The following CPNE4 variants were observed in gnomAD, a reference collection of about 807,000 sequenced individuals.
The protein encoded by CPNE4 is copine-4.
A neutral mutation model predicts 67.9 loss-of-function variants in CPNE4; 25 were observed. That is an observed-to-expected ratio of 0.37 (90% CI 0.27 to 0.51). The LOEUF (loss-of-function observed/expected upper bound fraction) is 0.51. Ranked by LOEUF, CPNE4 falls within the 20% of genes least tolerant of loss-of-function variation. CPNE4 has a pLI of 0.93. For synonymous variants in CPNE4, 242 were observed against 244.9 expected (o/e 0.99, Z 0.11); for missense variants, 464 against 690.8 (o/e 0.67, Z 3.68).
intron 8 of CPNE4, among the ~76,000 whole-genome samples, chr3:131,583,645 G>T (rs1937984454): frequency 6.6e-6 from 1 of 152,188 alleles, no homozygotes; most frequent in South Asian, 2.1e-4. Context: ...GCTTAGTCAG[G>T]AGAGGGCTCC....
chr3:131,670,455 A>G (rs1466887606), intron 6 of CPNE4, among the ~76,000 whole-genome samples: 1 of 152,240 alleles, frequency 6.6e-6, no homozygotes, highest in Non-Finnish European at 1.5e-5. Context: ...CTAAGAATCT[A>G]TATGAGTCAA....
chr3:131,730,902 C>A (rs951878649), intron 2 of CPNE4, among the ~76,000 whole-genome samples: 2 of 152,114 alleles, frequency 1.3e-5, no homozygotes, highest in Non-Finnish European at 2.9e-5. Flanking sequence ...TTTAAGCCAC[C>A]CAGTTTATGG....
rs1292579017 is a variant in CPNE4, at chr3:131,685,900, G to A, written c.566C>T (p.Thr189Ile). ...CTCAGTTCGGTGCACCAGCTGCTGAGTTGCATCATCATTCATACGAAAAAT... is the reference window on the plus strand; with the variant it reads ...CTCAGTTCGGTGCACCAGCTGCTGAATTGCATCATCATTCATACGAAAAAT... ...LEIFRMNDDATQQLVHRTEVV... is the reference protein window; with the variant it reads ...LEIFRMNDDAIQQLVHRTEVV... Residue 189 changes from threonine to isoleucine, a missense_variant, in exon 6 of 16, where the codon ACT (threonine) becomes ATT (isoleucine). Coordinates refer to ENST00000429747, the MANE Select transcript of CPNE4 (RefSeq NM_130808.3). 4 of 1,613,054 alleles carry A rather than the reference G, an allele frequency of 2.5e-6. No homozygotes were observed. Among genetic ancestry groups the A allele is most frequent in the Non-Finnish European group, 3.4e-6 (4 of 1,179,168 alleles).
chr3:131,980,359 A>G (rs2072874818), intron 1 of CPNE4, among the ~76,000 whole-genome samples: 1 of 152,124 alleles, frequency 6.6e-6, no homozygotes, highest in African/African-American at 2.4e-5. Flanking sequence ...GTTTAACATA[A>G]TCCCAGACTT....
intron 2 of CPNE4, among the ~76,000 whole-genome samples, chr3:131,842,104 T>C (rs1464270025): frequency 6.6e-6 from 1 of 152,184 alleles, no homozygotes; most frequent in Non-Finnish European, 1.5e-5. Context: ...TGGGCCAACC[T>C]GTCTACCACA....
chr3:131,737,545 G>A (rs962329990), intron 2 of CPNE4, among the ~76,000 whole-genome samples: 5 of 152,158 alleles, frequency 3.3e-5, no homozygotes, highest in Admixed American at 3.3e-4. Flanking sequence ...TCATTAAAAT[G>A]ATCAAGTGAT....
chr3:131,598,901 G>T (rs193277025), intron 7 of CPNE4, among the ~76,000 whole-genome samples: 1 of 139,288 alleles, frequency 7.2e-6, no homozygotes, highest in Non-Finnish European at 1.5e-5. Flanking sequence ...GAGGAGCCTC[G>T]CTGGGTTTAC....
At chr3:131,735,754 G>A (rs2082220032) in intron 2 of CPNE4, among the ~76,000 whole-genome samples, 1 of 152,116 alleles carries the variant, frequency 6.6e-6, no homozygotes, top group African/African-American at 2.4e-5. Flanking sequence ...TCCATGCTTG[G>A]CAAAGTGCCA....
At chr3:131,556,474 T>A (rs1265278036) in intron 11 of CPNE4, among the ~76,000 whole-genome samples, 2 of 152,190 alleles carry the variant, frequency 1.3e-5, no homozygotes, top group Non-Finnish European at 2.9e-5. Flanking sequence ...CCTTATCACA[T>A]ACAAGCGGTG....
chr3:132,022,140 T>C (rs576132289), intron 1 of CPNE4, among the ~76,000 whole-genome samples: 1 of 152,204 alleles, frequency 6.6e-6, no homozygotes. Context: ...CATGGACATG[T>C]AGGATCAGAA....
At position 131,678,075 on chromosome 3, in the gene CPNE4, T is replaced by A. The variant is rs867345103; in HGVS notation, c.591+7800A>T. 4.6e-5 allele frequency among the ~76,000 whole-genome samples: 7 copies of A among 152,316 alleles called. No individual in the cohort carries two copies. In the South Asian group the frequency reaches 1.5e-3, roughly 32 times the overall value. Reference sequence around the variant, plus strand: ...TTCCTATGCATGAGCATGGAATAATTTGCCATTTCTTTGTGTCATCTCTGA... The same window carrying A: ...TTCCTATGCATGAGCATGGAATAATATGCCATTTCTTTGTGTCATCTCTGA... On this transcript the variant is annotated intron_variant, in intron 6 of 15. Transcript: ENST00000429747.
intron 2 of CPNE4, among the ~76,000 whole-genome samples, chr3:131,869,736 A>T (rs553073405): frequency 6.6e-6 from 1 of 152,338 alleles, no homozygotes; most frequent in East Asian, 1.9e-4. Flanking sequence ...GTTCGGAGAA[A>T]AAGAGGAGAG....
intron 1 of CPNE4, among the ~76,000 whole-genome samples, chr3:131,921,726 T>C (rs1424946714): frequency 2.6e-5 from 4 of 152,192 alleles, no homozygotes; most frequent in Non-Finnish European, 4.4e-5. Flanking sequence ...ATATAGAGCA[T>C]AGAGTAAGTG....
intron 2 of CPNE4, among the ~76,000 whole-genome samples, chr3:131,878,619 A>G (rs1393054655): frequency 6.6e-6 from 1 of 152,228 alleles, no homozygotes; most frequent in Admixed American, 6.5e-5. Flanking sequence ...AAAATAATTA[A>G]TCTGAAAAAT....
Position 131,808,248 on chromosome 3 carries a change from A to G in CPNE4, c.181-84623T>C, listed in dbSNP as rs2084393060. Among the ~76,000 whole-genome samples the G allele has an allele frequency of 2.6e-5, 4 of 152,240 alleles. No homozygotes were observed. In the South Asian group the frequency reaches 8.3e-4, roughly 32 times the overall value. On this transcript the variant is annotated intron_variant, in intron 2 of 15. Transcript: ENST00000429747. ...AAAAAATCCCACTCACTGTTAAGAGACAAATTAATTAACAGAATTAGACTG... is the reference window on the plus strand; with the variant it reads ...AAAAAATCCCACTCACTGTTAAGAGGCAAATTAATTAACAGAATTAGACTG...
At chr3:131,536,529 G>GT (rs1346066466) in intron 15 of CPNE4, among the ~76,000 whole-genome samples, 1 of 152,190 alleles carries the variant, frequency 6.6e-6, no homozygotes, top group Non-Finnish European at 1.5e-5. Context: ...CTGGTTTTCA[G>GT]TTTTTTCTTT....
chr3:131,790,726 A>G (rs1032031296), intron 2 of CPNE4, among the ~76,000 whole-genome samples: 2 of 152,168 alleles, frequency 1.3e-5, no homozygotes, highest in Admixed American at 1.3e-4. Context: ...ATTTGATGCC[A>G]TAGTGATTAA....
chr3:131,810,912 G>A (rs1432598933), intron 2 of CPNE4, among the ~76,000 whole-genome samples: 1 of 152,070 alleles, frequency 6.6e-6, no homozygotes, highest in African/African-American at 2.4e-5. Flanking sequence ...ATAGCATTAT[G>A]CTGGGTGAAA....
intron 1 of CPNE4, among the ~76,000 whole-genome samples, chr3:132,000,682 G>A (rs1280697482): frequency 6.6e-6 from 1 of 151,594 alleles, no homozygotes; most frequent in Non-Finnish European, 1.5e-5. Flanking sequence ...GACAATTTGG[G>A]TATCATGAGA....
Sources: gnomAD v4.1 joint callset for allele counts (sites outside exome capture counted in the v4.1 genomes callset) on GRCh38, gnomAD v4.1.1 for gene constraint, MANE v1.5 for transcripts, NCBI Gene and HGNC (gene_info 2026-07-23, HGNC 2026-07-21) for gene names.